Variants in NES observed in about 807,000 individuals in gnomAD.
NES encodes the protein nestin.
In NES, 27 loss-of-function variants were observed where a neutral mutation model predicts 35.6. That is an observed-to-expected ratio of 0.76 (90% CI 0.56 to 1.04). NES has a LOEUF of 1.04. Ranked by LOEUF, NES falls within the 50% of genes least tolerant of loss-of-function variation. NES has a pLI of 0.00. For synonymous variants in NES, 822 were observed against 824.2 expected, an observed-to-expected ratio of 1.00 and a Z score of 0.04; for missense variants, 1,867 against 1,983.6, an observed-to-expected ratio of 0.94 and a Z score of 1.12.
Position 156,672,291 on chromosome 1 carries a change from G to T in NES, c.1897C>A (p.Gln633Lys). Residue 633 changes from glutamine (Q) to lysine (K), a missense_variant, in exon 4 of 4, where the codon CAA becomes AAA. By Grantham distance (53) the Gln-to-Lys change is moderately conservative. Coordinates refer to ENST00000368223, the MANE Select transcript of NES (RefSeq NM_006617.2). ...QTLQSLQKEN[Q>K]ELMKSLEGNL... is the part of the protein sequence containing the mutation. ...CCTTCAAGAGATTTCATTAGTTCTTGATTCTCCTTTTGCAGGGATTGCAAT... is the reference window on the plus strand; with the variant it reads ...CCTTCAAGAGATTTCATTAGTTCTTTATTCTCCTTTTGCAGGGATTGCAAT... 1 of 1,603,386 alleles carries T rather than the reference G, an allele frequency of 6.2e-7. No homozygotes were observed. Among genetic ancestry groups the T allele is most frequent in the East Asian group, 2.2e-5 (1 of 44,828 alleles).
chr1:156,673,609 T>C (rs1468271912), intron 2 of NES, 82 bp from the exon 3 acceptor site: 15 of 1,036,672 alleles, frequency 1.4e-5, no homozygotes, highest in Non-Finnish European at 2.9e-6. Context: ...CAACTCAGGC[T>C]GAGCTTGCAC....
chr1:156,677,302 G>T lies in NES; in HGVS notation c.-38C>A. ...ACCCACTGAGGATGGACAGACGCGG[G>T]GCACCGGGAGAAGGGAGCGGCTCGC... is the stretch of plus-strand genomic sequence containing the variant. On this transcript the variant is annotated 5_prime_UTR_variant, in exon 1 of 4. Transcript: ENST00000368223. This position sits in a 1 kb window ranked among gnomAD's most constrained non-coding sequence, Gnocchi z 4.5. 7 of 1,557,146 alleles carry T rather than the reference G, an allele frequency of 4.5e-6. No homozygotes were observed. The highest frequency in any genetic ancestry group is 6.1e-6 in the Non-Finnish European group (7 of 1,151,008).
In NES at chr1:156,677,342, G is replaced by C. The variant is rs1305787747; in HGVS notation, c.-78C>G. On this transcript the variant is annotated 5_prime_UTR_variant, in exon 1 of 4. Coordinates refer to ENST00000368223, the MANE Select transcript of NES (RefSeq NM_006617.2). The surrounding 1 kb of genome is among the most constrained non-coding windows in gnomAD (Gnocchi z 4.5). ...GAGCGGCTCGCAGAGCTTTTAGGAC[G>C]GAAGAGAAAAGAGACCGACGGGGAC... 1.1e-6 allele frequency: 1 copy of C among 893,314 alleles called. No homozygotes were observed. Among genetic ancestry groups the C allele is most frequent in the Non-Finnish European group, 1.6e-6 (1 of 626,696 alleles). The allele number at this position is 893,314 out of a possible 1,614,324, so 55.3% of individuals were successfully genotyped here.
At chr1:156,675,761 C>T (rs1156722559) in intron 1 of NES, among the ~76,000 whole-genome samples, 2 of 152,066 alleles carry the variant, frequency 1.3e-5, no homozygotes, top group Non-Finnish European at 2.9e-5. Context: ...GGCAAACAGC[C>T]CCCGTCCCCC....
At position 156,672,035 on chromosome 1, in the gene NES, T is replaced by C. The variant is rs1253338822; in HGVS notation, c.2153A>G (p.Asn718Ser). 8.7e-6 allele frequency: 14 copies of C among 1,613,606 alleles called. No homozygotes were observed. Among genetic ancestry groups the C allele is most frequent in the African/African-American group, 2.7e-5 (2 of 74,854 alleles). ...KEAFRSLEKENQEPLKTLEEE... is the reference protein window; with the variant it reads ...KEAFRSLEKESQEPLKTLEEE... ...TTCTAGAGTCTTCAGTGGCTCCTGG[T>C]TCTCTTTTTCTAGAGATCTAAAGGC... Residue 718 changes from asparagine (N) to serine (S), a missense_variant, in exon 4 of 4, where the codon AAC becomes AGC. Coordinates refer to ENST00000368223, the MANE Select transcript of NES (RefSeq NM_006617.2).
intron 2 of NES, among the ~76,000 whole-genome samples, chr1:156,675,005 C>T (rs1055422437): frequency 6.6e-6 from 1 of 152,218 alleles, no homozygotes; most frequent in Non-Finnish European, 1.5e-5. Flanking sequence ...ATTTCCTGGG[C>T]ACAGGACATT....
chr1:156,669,325 G>A lies in NES; in HGVS notation c.4863C>T (p.Asp1621=). ...GTGCCGGGCAGATGGTCTTTTCCTAGTCCTCCCCTGAGGACCAGGACTCTC... is the reference window on the plus strand; with the variant it reads ...GTGCCGGGCAGATGGTCTTTTCCTAATCCTCCCCTGAGGACCAGGACTCTC... ...GDRESWSSGE[D] Residue 1621 remains aspartate (D), a synonymous_variant, in exon 4 of 4, where the codon GAC becomes GAT. Transcript: ENST00000368223. 1 of 1,550,424 alleles carries A rather than the reference G, an allele frequency of 6.4e-7. No individual in the cohort carries two copies. The highest frequency in any genetic ancestry group is 1.4e-5 in the African/African-American group (1 of 72,958).
chr1:156,673,813 C>T (rs1204013320), intron 2 of NES, among the ~76,000 whole-genome samples: 1 of 152,180 alleles, frequency 6.6e-6, no homozygotes, highest in Non-Finnish European at 1.5e-5. Context: ...CTACACACAC[C>T]CACACAAGGC....
At position 156,671,417 on chromosome 1, in the gene NES, C is replaced by G; in HGVS notation, c.2771G>C (p.Gly924Ala). ...QRNLEEEENLGKGEYQESLRS... is the reference protein window; with the variant it reads ...QRNLEEEENLAKGEYQESLRS... The stretch of plus-strand genomic sequence containing the variant: ...CAGTGACTCTTGGTACTCTCCCTTT[C>G]CCAGGTTCTCTTCCTCTTCCAGATT... Residue 924 changes from glycine (G) to alanine (A), a missense_variant, in exon 4 of 4, where the codon GGA becomes GCA. Physicochemically the swap from Gly to Ala is moderately conservative, Grantham distance 60 (BLOSUM62 0). Coordinates refer to ENST00000368223, the MANE Select transcript of NES (RefSeq NM_006617.2). 1.2e-6 allele frequency: 2 copies of G among 1,614,048 alleles called. No individual in the cohort carries two copies. The highest frequency in any genetic ancestry group is 4.5e-5 in the East Asian group (2 of 44,884).
Position 156,673,473 on chromosome 1 carries a change from C to CTTGGAGCCACCGCCAGGTGT in NES, c.943_962dup (p.Thr322HisfsTer37), listed in dbSNP as rs763727071. On this transcript the variant is annotated frameshift_variant, in exon 3 of 4. Transcript: ENST00000368223. LOFTEE classifies it low-confidence loss of function (END_TRUNC). ...TCTTACCCTGAAAGCTGAGGGAAGT[C>CTTGGAGCCACCGCCAGGTGT]TTGGAGCCACCGCCAGGTGTTTGCA... 1 of 1,613,268 alleles carries CTTGGAGCCACCGCCAGGTGT rather than the reference C, an allele frequency of 6.2e-7. No homozygotes were observed. The highest frequency in any genetic ancestry group is 8.5e-7 in the Non-Finnish European group (1 of 1,179,410).
chr1:156,672,026 G>A lies in NES; in HGVS notation c.2162C>T (p.Pro721Leu). 6.2e-7 allele frequency: 1 copy of A among 1,613,710 alleles called. No homozygotes were observed. The highest frequency in any genetic ancestry group is 8.5e-7 in the Non-Finnish European group (1 of 1,179,960). ...FRSLEKENQE[P>L]LKTLEEEDQS... Reference sequence around the variant, plus strand: ...GTCCTCTTCTTCTAGAGTCTTCAGTGGCTCCTGGTTCTCTTTTTCTAGAGA... The same window carrying A: ...GTCCTCTTCTTCTAGAGTCTTCAGTAGCTCCTGGTTCTCTTTTTCTAGAGA... Residue 721 changes from proline to leucine, a missense_variant, in exon 4 of 4, where the codon CCA (proline) becomes CTA (leucine). Transcript: ENST00000368223.
chr1:156,674,315 T>C (rs1321795889), intron 2 of NES, among the ~76,000 whole-genome samples: 6 of 152,162 alleles, frequency 3.9e-5, no homozygotes, highest in African/African-American at 4.8e-5. Context: ...CTTTGCTCCA[T>C]GATCTCTGAG....
In NES at chr1:156,671,158, G is replaced by A. The variant is rs1454642034; in HGVS notation, c.3030C>T (p.Gly1010=). 26 of 1,613,986 alleles carry A rather than the reference G, an allele frequency of 1.6e-5. No individual in the cohort carries two copies. The highest frequency in any genetic ancestry group is 3.3e-5 in the Admixed American group (2 of 60,000). The change falls in exon 4 of 4, where the codon GGC becomes GGT. Residue 1010 remains glycine (G), a synonymous_variant. Transcript: ENST00000368223. ...LNATEEVWIP[G]EGHPESPEPK... ...GCTCAGGGCTCTCTGGGTGCCCCTCGCCTGGGATCCAGACCTCCTCTGTGG... is the reference window on the plus strand; with the variant it reads ...GCTCAGGGCTCTCTGGGTGCCCCTCACCTGGGATCCAGACCTCCTCTGTGG...
At position 156,670,118 on chromosome 1, in the gene NES, T is replaced by G. The variant is rs2102583756; in HGVS notation, c.4070A>C (p.Glu1357Ala). 1 of 1,614,000 alleles carries G rather than the reference T, an allele frequency of 6.2e-7. No homozygotes were observed. The highest frequency in any genetic ancestry group is 1.1e-5 in the South Asian group (1 of 91,080). Residue 1357 changes from glutamate (E) to alanine (A), a missense_variant, in exon 4 of 4, where the codon GAG becomes GCG. Coordinates refer to ENST00000368223, the MANE Select transcript of NES (RefSeq NM_006617.2). The stretch of plus-strand genomic sequence containing the variant: ...CAGGTCAGAGTCACGGCCACACTCC[T>G]CTTCTCCCTCCTCCCCCTCCTCCTT... ...SEKEEGEEGEEECGRDSDLSE... is the reference protein window; with the variant it reads ...SEKEEGEEGEAECGRDSDLSE...
Position 156,669,228 on chromosome 1 carries a change from T to C in NES, c.*94A>G. 2.4e-6 allele frequency: 2 copies of C among 829,420 alleles called. No homozygotes were observed. The highest frequency in any genetic ancestry group is 5.1e-5 in the East Asian group (2 of 39,304). 51.4% of individuals were successfully genotyped at this position (829,420 alleles called of 1,614,324 possible). On this transcript the variant is annotated 3_prime_UTR_variant, in exon 4 of 4. Coordinates refer to ENST00000368223, the MANE Select transcript of NES (RefSeq NM_006617.2). ...AAACCATATGTCAAGAGATCGTAAG[T>C]TAAGAGTGCTGCTCCTGAGCAGGGA...
In NES at chr1:156,675,199, C is replaced by T; in HGVS notation, c.908+17G>A. The stretch of plus-strand genomic sequence containing the variant: ...GTGTGCCTCTGTGTGCCTGGGTGGA[C>T]AGGGCTCGTCTCGTACCTGTACGTG... On this transcript the variant is annotated intron_variant, in intron 2 of 3. Coordinates refer to ENST00000368223, the MANE Select transcript of NES (RefSeq NM_006617.2). 4 of 1,610,122 alleles carry T rather than the reference C, an allele frequency of 2.5e-6. No individual in the cohort carries two copies. The highest frequency in any genetic ancestry group is 2.2e-5 in the East Asian group (1 of 44,766).
rs762282533 is a variant in NES at position 156,671,645 on chromosome 1, G to A, written c.2543C>T (p.Pro848Leu). Residue 848 changes from proline to leucine, a missense_variant, in exon 4 of 4, where the codon CCA becomes CTA. By Grantham distance (98) the Pro-to-Leu change is moderately conservative. Transcript: ENST00000368223. ...ETLKSPETQAPLWTPEEINQG... is the reference protein window; with the variant it reads ...ETLKSPETQALLWTPEEINQG... Reference sequence around the variant, plus strand: ...ATTTATTTCTTCTGGAGTCCACAGTGGTGCTTGAGTTTCTGGAGATTTCAG... The same window carrying A: ...ATTTATTTCTTCTGGAGTCCACAGTAGTGCTTGAGTTTCTGGAGATTTCAG... 6.2e-7 allele frequency: 1 copy of A among 1,613,794 alleles called. No individual in the cohort carries two copies. The highest frequency in any genetic ancestry group is 8.5e-7 in the Non-Finnish European group (1 of 1,179,964).
intron 2 of NES, among the ~76,000 whole-genome samples, chr1:156,674,824 C>A (rs192756839): frequency 1.3e-5 from 2 of 152,332 alleles, no homozygotes; most frequent in East Asian, 3.9e-4. Context: ...CCACCCCATG[C>A]CTGCAATGCC....
In NES at chr1:156,669,520, C is replaced by G. The variant is rs1679653415; in HGVS notation, c.4668G>C (p.Gly1556=). Reference sequence around the variant, plus strand: ...GCCCCACTTCCTCAGACTGCTCCAGCCCGTTCATCACTCCCCCATTCACAT... The same window carrying G: ...GCCCCACTTCCTCAGACTGCTCCAGGCCGTTCATCACTCCCCCATTCACAT... ...SQHVNGGVMN[G]LEQSEEVGQG... The change falls in exon 4 of 4, where the codon GGG becomes GGC. Residue 1556 remains glycine (G), a synonymous_variant. Transcript: ENST00000368223. The G allele has an allele frequency of 1.2e-6, 2 of 1,612,116 alleles. No individual in the cohort carries two copies. The highest frequency in any genetic ancestry group is 2.2e-5 in the South Asian group (2 of 90,930).
Sources: allele counts gnomAD v4.1 joint callset (sites outside exome capture counted in the v4.1 genomes callset), GRCh38; gene constraint gnomAD v4.1.1; non-coding constraint Gnocchi (gnomAD v3.1); transcripts MANE v1.5; gene names NCBI Gene and HGNC (gene_info 2026-07-23, HGNC 2026-07-21).